WDR45B: variants seen among roughly 807,000 people sequenced by gnomAD.
The protein encoded by WDR45B is WD repeat domain phosphoinositide-interacting protein 3.
WDR45B carries 20 observed loss-of-function variants against 44.6 expected under a neutral mutation model. The observed-to-expected ratio is 0.45, with a 90% CI of 0.32 to 0.65. The LOEUF (loss-of-function observed/expected upper bound fraction) is 0.65. WDR45B is among the 30% of genes least tolerant of loss of function. WDR45B has a pLI of 0.05. For missense variants in WDR45B, 323 were observed against 430.2 expected (o/e 0.75, Z 2.20); for synonymous variants, 169 against 164.9 (o/e 1.02, Z -0.19).
chr17:82,616,624 A>T lies in WDR45B; in HGVS notation c.828T>A (p.Leu276=), dbSNP rs769985755. ...TCCACTTGGAACTGAAGTATTTTGGAAGGAAACTGGCTGAGGCCAAACTGT... is the reference window on the plus strand; with the variant it reads ...TCCACTTGGAACTGAAGTATTTTGGTAGGAAACTGGCTGAGGCCAAACTGT... ...KQSSLASASF[L]PKYFSSKWSF... The change falls in exon 9 of 10, where the codon CTT becomes CTA. Residue 276 remains leucine, a synonymous_variant. Coordinates refer to ENST00000392325, the MANE Select transcript of WDR45B (RefSeq NM_019613.4). 1.4e-5 allele frequency: 23 copies of T among 1,614,102 alleles called. No homozygotes were observed. The highest frequency in any genetic ancestry group is 1.3e-4 in the East Asian group (6 of 44,894).
At chr17:82,618,905 T>C in intron 7 of WDR45B, 138 bp downstream of exon 7, 2 of 761,184 alleles carry the variant, frequency 2.6e-6, no homozygotes, top group Non-Finnish European at 4.7e-6. Context: ...CCCAACCCCC[T>C]AGCAGCCCAA....
At position 82,615,616 on chromosome 17, in the gene WDR45B, T is replaced by C. The variant is rs1434617978; in HGVS notation, c.*303A>G. The C allele has an allele frequency of 6.7e-6, 3 of 448,576 alleles. No individual in the cohort carries two copies. Among genetic ancestry groups the C allele is most frequent in the Non-Finnish European group, 1.2e-5 (3 of 240,844 alleles). 27.8% of individuals were successfully genotyped at this position (448,576 alleles called of 1,614,324 possible). A position where few individuals can be genotyped will look rare whatever the true frequency, so the allele number is the denominator to read the frequency against. On this transcript the variant is annotated 3_prime_UTR_variant, in exon 10 of 10. Coordinates refer to ENST00000392325, the MANE Select transcript of WDR45B (RefSeq NM_019613.4). ...TCCCCAGGTCCGTATGGAGCCCCCG[T>C]CAGTGTGAGGATGCGGCGGAGCCAC...
At chr17:82,627,869 A>C (rs1275946087) in intron 3 of WDR45B, among the ~76,000 whole-genome samples, 2 of 152,254 alleles carry the variant, frequency 1.3e-5, no homozygotes, top group Non-Finnish European at 2.9e-5. Flanking sequence ...TACTGATGTT[A>C]AAAGTGCTGC....
chr17:82,625,667 G>A (rs1401929433), intron 4 of WDR45B, 184 bp from the exon 5 acceptor site: 5 of 630,030 alleles, frequency 7.9e-6, no homozygotes, highest in South Asian at 6.9e-5. Flanking sequence ...GCGAGTGCAC[G>A]TGGGCTGGCT....
rs181412836 is a variant in WDR45B at position 82,615,620 on chromosome 17, T to C, written c.*299A>G. On this transcript the variant is annotated 3_prime_UTR_variant, in exon 10 of 10. Transcript: ENST00000392325. ...CAGGTCCGTATGGAGCCCCCGTCAG[T>C]GTGAGGATGCGGCGGAGCCACTGAA... 414 of 453,282 alleles carry C rather than the reference T, an allele frequency of 9.1e-4. No individual in the cohort carries two copies. The highest frequency in any genetic ancestry group is 1.7e-3 in the Admixed American group (49 of 29,250). 28.1% of individuals were successfully genotyped at this position (453,282 alleles called of 1,614,324 possible). A position where few individuals can be genotyped will look rare whatever the true frequency, so the allele number is the denominator to read the frequency against.
At position 82,621,772 on chromosome 17, in the gene WDR45B, T is replaced by A; in HGVS notation, c.455A>T (p.Asn152Ile). 1 of 1,614,152 alleles carries A rather than the reference T, an allele frequency of 6.2e-7. No homozygotes were observed. The change falls in exon 6 of 10, where the codon AAC (asparagine) becomes ATC (isoleucine). Residue 152 changes from asparagine (N) to isoleucine (I), a missense_variant. Coordinates refer to ENST00000392325, the MANE Select transcript of WDR45B (RefSeq NM_019613.4). ...KGLCVLCPNS[N>I]NSLLAFPGTH... is the part of the protein sequence containing the mutation. ...GCCCGGAAAGGCCAGGAGGGAGTTGTTACTATTGGGACAAAGGACACAGAG... is the reference window on the plus strand; with the variant it reads ...GCCCGGAAAGGCCAGGAGGGAGTTGATACTATTGGGACAAAGGACACAGAG...
At chr17:82,621,892 G>A in intron 5 of WDR45B, 93 bp from the exon 6 acceptor site, 3 of 1,281,726 alleles carry the variant, frequency 2.3e-6, no homozygotes, top group Non-Finnish European at 3.3e-6. Flanking sequence ...CGAAAAAATA[G>A]ATGTATATCA....
At chr17:82,635,894 C>T (rs949950845) in intron 2 of WDR45B, among the ~76,000 whole-genome samples, 8 of 151,622 alleles carry the variant, frequency 5.3e-5, no homozygotes, top group Non-Finnish European at 7.4e-5. Context: ...TCAAGACCAG[C>T]GCGACCAACA....
chr17:82,616,725 G>A (rs1244687772), intron 8 of WDR45B, 80 bp from the exon 9 acceptor site: 1 of 1,560,482 alleles, frequency 6.4e-7, no homozygotes, highest in Non-Finnish European at 8.8e-7. Flanking sequence ...ATACGCTGCT[G>A]AAAATACGAA....
intron 6 of WDR45B, among the ~76,000 whole-genome samples, chr17:82,619,905 C>T (rs1031775720): frequency 6.6e-6 from 1 of 152,216 alleles, no homozygotes; most frequent in African/African-American, 2.4e-5. Context: ...TGCGTAATCC[C>T]ATCTACCTGG....
intron 9 of WDR45B, 56 bp from the exon 10 acceptor site, chr17:82,616,081 A>G: frequency 6.6e-7 from 1 of 1,509,782 alleles, no homozygotes; most frequent in South Asian, 1.1e-5. Context: ...AGTTAAAAGC[A>G]ACGAGTCCCA....
intron 6 of WDR45B, among the ~76,000 whole-genome samples, chr17:82,619,715 C>A (rs920331580): frequency 7.2e-5 from 11 of 152,204 alleles, no homozygotes; most frequent in Non-Finnish European, 1.3e-4. Context: ...AAAACGAGAA[C>A]TGCTGCATCT....
intron 2 of WDR45B, among the ~76,000 whole-genome samples, chr17:82,643,595 A>T (rs904072181): frequency 6.6e-6 from 1 of 152,186 alleles, no homozygotes; most frequent in Non-Finnish European, 1.5e-5. Context: ...CCAGACATAA[A>T]GCACCACTTA....
intron 5 of WDR45B, among the ~76,000 whole-genome samples, chr17:82,623,930 G>A (rs974145887): frequency 4.5e-4 from 68 of 151,976 alleles, no homozygotes; most frequent in African/African-American, 1.3e-3. Flanking sequence ...TAGAAAGACC[G>A]ACAATGCTGG....
Position 82,617,289 on chromosome 17 carries a change from C to T in WDR45B, c.806+7G>A. On this transcript the variant is annotated splice_region_variant and intron_variant, in intron 8 of 9. Coordinates refer to ENST00000392325, the MANE Select transcript of WDR45B (RefSeq NM_019613.4). ...GGCTTTTCCCCAGCAGGCATCCTAACACCTACCTGGACTGTTTATTCCTTT... is the reference window on the plus strand; with the variant it reads ...GGCTTTTCCCCAGCAGGCATCCTAATACCTACCTGGACTGTTTATTCCTTT... The T allele has an allele frequency of 6.2e-7, 1 of 1,612,326 alleles. No individual in the cohort carries two copies.
intron 5 of WDR45B, among the ~76,000 whole-genome samples, chr17:82,622,648 G>A (rs1414708949): frequency 2.0e-5 from 3 of 152,048 alleles, no homozygotes; most frequent in Non-Finnish European, 4.4e-5. Flanking sequence ...TAGCCAGGAT[G>A]GTCTCAATCT....
In WDR45B at chr17:82,637,210, G is replaced by A. The variant is rs143855569; in HGVS notation, c.143-6188C>T. Among the ~76,000 whole-genome samples the A allele has an allele frequency of 5.9e-5, 9 of 152,060 alleles. No individual in the cohort carries two copies. The East Asian group carries it at 1.2e-3, about 20-fold the overall frequency. On this transcript the variant is annotated intron_variant, in intron 2 of 9. Coordinates refer to ENST00000392325, the MANE Select transcript of WDR45B (RefSeq NM_019613.4). ...GCCCAAGCCTGCCCAGGATGTCAGC[G>A]TCTACATCTCTAAGGGTCCCTGGCG...
intron 2 of WDR45B, among the ~76,000 whole-genome samples, chr17:82,632,476 A>G (rs1218224367): frequency 6.6e-6 from 1 of 152,114 alleles, no homozygotes; most frequent in Non-Finnish European, 1.5e-5. Context: ...AATGCTCCCA[A>G]CTGTTCATGA....
intron 4 of WDR45B, chr17:82,626,969 A>G (rs1471575803): frequency 3.5e-6 from 2 of 563,874 alleles, no homozygotes; most frequent in Non-Finnish European, 6.4e-6. Context: ...ACTGTGGCGC[A>G]CGTCATCCAC....
Sources: allele counts gnomAD v4.1 joint callset (sites outside exome capture counted in the v4.1 genomes callset), GRCh38; gene constraint gnomAD v4.1.1; transcripts MANE v1.5; gene names NCBI Gene and HGNC (gene_info 2026-07-23, HGNC 2026-07-21).